RFT1: variants seen among roughly 807,000 people sequenced by gnomAD.
The protein encoded by RFT1 is RFT1 glycolipid translocator homolog, also known as man(5)GlcNAc(2)-PP-dolichol translocation protein RFT1.
A neutral mutation model predicts 62.2 loss-of-function variants in RFT1; 43 were observed. The ratio of observed to expected loss-of-function variants is 0.69; its 90% CI spans 0.54 to 0.89. The LOEUF (loss-of-function observed/expected upper bound fraction) is 0.89, where lower values mean the gene tolerates loss of function less well. Ranked by LOEUF, RFT1 falls within the 40% of genes least tolerant of loss-of-function variation. The probability of loss-of-function intolerance (pLI) is 0.00; values close to 1 mark genes in which losing one functional copy is unlikely to be tolerated. For missense variants in RFT1, 605 were observed against 649.9 expected (o/e 0.93, Z 0.75); for synonymous variants, 262 against 264.6 (o/e 0.99, Z 0.10).
intron 11 of RFT1, among the ~76,000 whole-genome samples, chr3:53,098,268 G>T (rs1023011430): frequency 6.6e-6 from 1 of 152,238 alleles, no homozygotes; most frequent in Non-Finnish European, 1.5e-5. Flanking sequence ...TTGGCTAGGA[G>T]TGGACCAGAA....
Position 53,122,456 on chromosome 3 carries a change from A to G in RFT1, c.374T>C (p.Leu125Pro), listed in dbSNP as rs745545121. 2.5e-6 allele frequency: 4 copies of G among 1,614,160 alleles called. No homozygotes were observed. The highest frequency in any genetic ancestry group is 3.3e-5 in the Admixed American group (2 of 60,014). Residue 125 changes from leucine to proline, a missense_variant, in exon 4 of 13, where the codon CTG (leucine) becomes CCG (proline). Transcript: ENST00000296292. Reference protein sequence around the residue: ...VVPHYATGVVLFGLSAVVELL... With the variant: ...VVPHYATGVVPFGLSAVVELL... The stretch of plus-strand genomic sequence containing the variant: ...CTCCACCACTGCCGAGAGACCAAAC[A>G]GCACCACTCCAGTTGCATAGTGAGG...
the RFT1 span, among the ~76,000 whole-genome samples, chr3:53,074,058 T>TG: frequency 4.6e-5 from 7 of 152,088 alleles, no homozygotes; most frequent in African/African-American, 1.7e-4. Flanking sequence ...AGCCAGGCTC[T>TG]GGGGGATGGG....
rs536573296 is a variant in RFT1, at chr3:53,089,090, G to A, written c.*2813C>T. On this transcript the variant is annotated 3_prime_UTR_variant, in exon 13 of 13. Coordinates refer to ENST00000296292, the MANE Select transcript of RFT1 (RefSeq NM_052859.4). ...GCAGAGCTCGCAGTGAGCCGAGATC[G>A]CGCTACTGCACTCCAGCCTGGGCGA... The A allele has an allele frequency of 5.3e-5, 8 of 150,752 alleles. No homozygotes were observed. The highest frequency in any genetic ancestry group is 3.9e-4 in the East Asian group (2 of 5,074). 9.3% of individuals were successfully genotyped at this position (150,752 alleles called of 1,614,324 possible). A position where few individuals can be genotyped will look rare whatever the true frequency, so the allele number is the denominator to read the frequency against.
At position 53,115,093 on chromosome 3, in the gene RFT1, C is replaced by T. The variant is rs148862347; in HGVS notation, c.697-3185G>A. Among the ~76,000 whole-genome samples the T allele has an allele frequency of 7.6e-3, 1,156 of 152,302 alleles. 18 individuals carry two copies. The highest frequency in any genetic ancestry group is 9.4e-3 in the Non-Finnish European group (636 of 68,020). ...TTCATCCATCCTCCCCCTGTCCTTA[C>T]TCCTCACCTGGACAATTGCCACAGG... On this transcript the variant is annotated intron_variant, in intron 6 of 12. Coordinates refer to ENST00000296292, the MANE Select transcript of RFT1 (RefSeq NM_052859.4).
At chr3:53,069,217 G>A in the RFT1 span, among the ~76,000 whole-genome samples, 54 of 152,226 alleles carry the variant, frequency 3.5e-4, no homozygotes, top group Admixed American at 2.0e-4. Flanking sequence ...TGGGATTATA[G>A]GTGTGAGCCA....
chr3:53,109,287 C>G (rs146316007), intron 7 of RFT1, among the ~76,000 whole-genome samples: 6 of 152,250 alleles, frequency 3.9e-5, no homozygotes, highest in African/African-American at 1.4e-4. Context: ...TCTCAGTCAC[C>G]TCTATGACCC....
rs1701028400 is a variant in RFT1, at chr3:53,092,573, T to G, written c.1254A>C (p.Leu418Phe). ...MLALSSSFLV[L>F]SYLLTRWCGS... ...CACACCAACGGGTCAAGAGATAGGA[T>G]AACACCAGGAATGAGGAGGACAGGG... Residue 418 changes from leucine (L) to phenylalanine (F), a missense_variant, in exon 12 of 13, where the codon TTA (leucine) becomes TTC (phenylalanine). Leu to Phe is a conservative substitution (Grantham distance 22). Coordinates refer to ENST00000296292, the MANE Select transcript of RFT1 (RefSeq NM_052859.4). The G allele has an allele frequency of 1.2e-6, 2 of 1,612,152 alleles. No individual in the cohort carries two copies. Among genetic ancestry groups the G allele is most frequent in the Admixed American group, 1.7e-5 (1 of 59,818 alleles).
intron 6 of RFT1, among the ~76,000 whole-genome samples, chr3:53,118,225 A>T (rs949483139): frequency 6.6e-6 from 1 of 152,184 alleles, no homozygotes; most frequent in Non-Finnish European, 1.5e-5. Context: ...GGACAGGCCC[A>T]GTATGAAAAT....
chr3:53,110,131 A>C (rs1247518240), intron 7 of RFT1, among the ~76,000 whole-genome samples: 1 of 152,190 alleles, frequency 6.6e-6, no homozygotes, highest in African/African-American at 2.4e-5. Context: ...CCAGAAAACC[A>C]ATTTAGGGCC....
chr3:53,123,818 T>G lies in RFT1; in HGVS notation c.172A>C (p.Thr58Pro). 6.2e-7 allele frequency: 1 copy of G among 1,613,420 alleles called. No homozygotes were observed. Among genetic ancestry groups the G allele is most frequent in the Non-Finnish European group, 8.5e-7 (1 of 1,179,774 alleles). ...NVRLTLLYSTTLFLAREAFRR... is the reference protein window; with the variant it reads ...NVRLTLLYSTPLFLAREAFRR... ...AAGGCCTCTCTGGCCAGGAAGAGGG[T>G]GGTTGAGTAAAGCAGCGTTAGTCTG... The change falls in exon 3 of 13, where the codon ACC becomes CCC. Residue 58 changes from threonine (T) to proline (P), a missense_variant. Physicochemically the swap from Thr to Pro is conservative, Grantham distance 38 (BLOSUM62 -1). Transcript: ENST00000296292.
At chr3:53,099,583 A>G (rs1701253365) in intron 10 of RFT1, 97 bp from the exon 11 acceptor site, 1 of 897,278 alleles carries the variant, frequency 1.1e-6, no homozygotes, top group South Asian at 1.4e-5. Flanking sequence ...GAACCAGACT[A>G]TGAGGTCTGC....
the RFT1 span, among the ~76,000 whole-genome samples, chr3:53,071,062 CT>C: frequency 1.3e-5 from 2 of 151,716 alleles, no homozygotes; most frequent in African/African-American, 4.8e-5. Context: ...AAAGAAAATT[CT>C]GGAATTTTTT....
the RFT1 span, among the ~76,000 whole-genome samples, chr3:53,074,191 G>GGA: frequency 6.6e-6 from 1 of 152,136 alleles, no homozygotes; most frequent in Non-Finnish European, 1.5e-5. Context: ...TGGGTGTGGG[G>GGA]GAGCCTGACA....
intron 11 of RFT1, 99 bp downstream of exon 11, chr3:53,099,282 T>C: frequency 1.1e-6 from 1 of 944,658 alleles, no homozygotes; most frequent in Non-Finnish European, 1.7e-6. Flanking sequence ...AAAACAGCCA[T>C]CTGTAAATGC....
intron 10 of RFT1, among the ~76,000 whole-genome samples, chr3:53,101,811 G>T (rs967128354): frequency 1.3e-5 from 2 of 152,134 alleles, no homozygotes; most frequent in African/African-American, 4.8e-5. Flanking sequence ...CTGAAGGGGG[G>T]CAGATCATCT....
intron 6 of RFT1, among the ~76,000 whole-genome samples, chr3:53,119,088 C>T (rs1701893855): frequency 6.6e-6 from 1 of 152,060 alleles, no homozygotes; most frequent in African/African-American, 2.4e-5. Flanking sequence ...GTGGCATGTA[C>T]CTGTAGTCCC....
chr3:53,121,691 A>T lies in RFT1; in HGVS notation c.558+8T>A. The T allele has an allele frequency of 6.2e-7, 1 of 1,607,008 alleles. No homozygotes were observed. The highest frequency in any genetic ancestry group is 8.5e-7 in the Non-Finnish European group (1 of 1,174,068). ...ATCATATAAAAAGTTAAAAGCCATG[A>T]TTCTTACCTGGGCCAAAGAGAAAAT... On this transcript the variant is annotated splice_region_variant and intron_variant, in intron 5 of 12. Transcript: ENST00000296292.
At position 53,119,864 on chromosome 3, in the gene RFT1, G is replaced by A. The variant is rs759837884; in HGVS notation, c.696+20C>T. The A allele has an allele frequency of 6.3e-7, 1 of 1,586,884 alleles. No individual in the cohort carries two copies. The highest frequency in any genetic ancestry group is 1.7e-5 in the Admixed American group (1 of 58,442). On this transcript the variant is annotated intron_variant, in intron 6 of 12. Transcript: ENST00000296292. ...AGCACCTATGATTAAAATGATAAGA[G>A]ATAAAAATGTATTACTTACTCCATT...
At chr3:53,085,331 C>T (rs536848309), downstream of RFT1, among the ~76,000 whole-genome samples, 1 of 152,320 alleles carries the variant, frequency 6.6e-6, no homozygotes, top group South Asian at 2.1e-4. Flanking sequence ...CCTCCAGGCA[C>T]CACCTCCCTG....
Sources: allele counts gnomAD v4.1 joint callset (sites outside exome capture counted in the v4.1 genomes callset), GRCh38; gene constraint gnomAD v4.1.1; transcripts MANE v1.5; gene names NCBI Gene and HGNC (gene_info 2026-07-23, HGNC 2026-07-21).